The following PTGR3 variants were observed in gnomAD, a reference collection of about 807,000 sequenced individuals.
The protein encoded by PTGR3 is prostaglandin reductase 3.
the PTGR3 span, among the ~76,000 whole-genome samples, chr18:75,204,590 G>A: frequency 6.6e-6 from 1 of 152,188 alleles, no homozygotes; most frequent in Non-Finnish European, 1.5e-5. Flanking sequence ...TCCCTCAGAA[G>A]TGCCCGCTGC....
the PTGR3 span, among the ~76,000 whole-genome samples, chr18:75,205,864 C>G: frequency 2.6e-5 from 4 of 152,152 alleles, no homozygotes; most frequent in Admixed American, 6.5e-5. Flanking sequence ...GTTCCCCTTC[C>G]GTAAGCAACA....
chr18:75,202,098 A>G, the PTGR3 span: 1 of 1,614,062 alleles, frequency 6.2e-7, no homozygotes, highest in Non-Finnish European at 8.5e-7. Context: ...CAGCAGGGTA[A>G]GATACTCGGG....
the PTGR3 span, chr18:75,208,610 C>A: frequency 1.9e-5 from 16 of 860,838 alleles, no homozygotes; most frequent in South Asian, 6.4e-4. Context: ...ATTAAAATAA[C>A]CCTCAGTTAT....
the PTGR3 span, chr18:75,201,253 A>C: frequency 1.7e-6 from 1 of 578,730 alleles, no homozygotes; most frequent in Non-Finnish European, 2.9e-6. Context: ...CCCCAAGGGA[A>C]GAGGAGGAGG....
the PTGR3 span, chr18:75,200,607 C>T: frequency 6.6e-6 from 1 of 152,116 alleles, no homozygotes; most frequent in African/African-American, 2.4e-5. Context: ...TGGTGAACCC[C>T]CACTGAGAAT....
At chr18:75,204,390 G>T in the PTGR3 span, among the ~76,000 whole-genome samples, 3 of 152,254 alleles carry the variant, frequency 2.0e-5, no homozygotes, top group Non-Finnish European at 4.4e-5. Flanking sequence ...AAGTTTGGGA[G>T]GGGGGAGTGG....
At chr18:75,206,965 G>C in the PTGR3 span, among the ~76,000 whole-genome samples, 2 of 152,278 alleles carry the variant, frequency 1.3e-5, no homozygotes, top group East Asian at 1.9e-4. Flanking sequence ...TCTCTCCCCA[G>C]GGGAGAACTT....
At chr18:75,199,873 G>A in the PTGR3 span, 1 of 152,592 alleles carries the variant, frequency 6.6e-6, no homozygotes, top group Non-Finnish European at 1.5e-5. Flanking sequence ...AACATTCAGT[G>A]AAGCCATTAT....
the PTGR3 span, chr18:75,201,938 G>C: frequency 8.1e-6 from 13 of 1,614,236 alleles, no homozygotes; most frequent in Non-Finnish European, 1.1e-5. Flanking sequence ...CATCAGAAGA[G>C]CAGGTTCCAA....
At chr18:75,202,218 G>T in the PTGR3 span, 5 of 1,614,180 alleles carry the variant, frequency 3.1e-6, no homozygotes, top group South Asian at 5.5e-5. Flanking sequence ...TCTGGCACTA[G>T]CAGAGAGGCC....
the PTGR3 span, chr18:75,201,256 G>A: frequency 2.0e-6 from 1 of 493,294 alleles, no homozygotes; most frequent in Non-Finnish European, 3.4e-6. Flanking sequence ...CAAGGGAAGA[G>A]GAGGAGGAGG....
chr18:75,204,861 T>A, the PTGR3 span, among the ~76,000 whole-genome samples: 7 of 152,194 alleles, frequency 4.6e-5, no homozygotes, highest in East Asian at 1.4e-3. Context: ...CCGAGTCCCG[T>A]GCACTCGGCG....
chr18:75,205,291 G>T, the PTGR3 span: 11 of 985,614 alleles, frequency 1.1e-5, no homozygotes, highest in Non-Finnish European at 1.2e-5. Flanking sequence ...ATGGGGAGCA[G>T]GGGCGGAAGG....
chr18:75,208,694 G>A, the PTGR3 span, among the ~76,000 whole-genome samples: 1 of 151,918 alleles, frequency 6.6e-6, no homozygotes, highest in Non-Finnish European at 1.5e-5. Flanking sequence ...GATGGCGGCG[G>A]GTTCAACTTC....
At chr18:75,207,946 A>C in the PTGR3 span, among the ~76,000 whole-genome samples, 1 of 152,210 alleles carries the variant, frequency 6.6e-6, no homozygotes, top group Non-Finnish European at 1.5e-5. Flanking sequence ...GCCTCTGCAG[A>C]GGGCATAGAG....
At chr18:75,208,495 G>C in the PTGR3 span, 14 of 1,039,602 alleles carry the variant, frequency 1.3e-5, no homozygotes, top group Non-Finnish European at 1.5e-5. Context: ...CTGTGGGTGC[G>C]CGCGGGCGGC....
chr18:75,202,032 C>T, the PTGR3 span: 2 of 1,614,152 alleles, frequency 1.2e-6, no homozygotes, highest in Admixed American at 3.3e-5. Flanking sequence ...AACTTTTTTC[C>T]CTTCCGACAG....
chr18:75,202,107 G>T, the PTGR3 span: 1 of 1,614,100 alleles, frequency 6.2e-7, no homozygotes. Context: ...AAGATACTCG[G>T]GTTTCACTGA....
chr18:75,196,701 A>G, the PTGR3 span: 1 of 149,722 alleles, frequency 6.7e-6, no homozygotes, highest in South Asian at 2.1e-4. Flanking sequence ...ATGAAGACGT[A>G]TTGGTTTTCT....
Sources: allele counts gnomAD v4.1 joint callset (sites outside exome capture counted in the v4.1 genomes callset), GRCh38; gene constraint gnomAD v4.1.1; transcripts MANE v1.5; gene names NCBI Gene and HGNC (gene_info 2026-07-23, HGNC 2026-07-21).